LIN28B: variants seen among roughly 807,000 people sequenced by gnomAD.
LIN28B encodes the protein lin-28 RNA binding posttranscriptional regulator B, also known as protein lin-28 homolog B.
A neutral mutation model predicts 21.9 loss-of-function variants in LIN28B; 5 were observed. That is an observed-to-expected ratio of 0.23 (90% CI 0.12 to 0.48). The LOEUF (loss-of-function observed/expected upper bound fraction) is 0.48. LIN28B is among the 20% of genes least tolerant of loss of function. The pLI, the probability that LIN28B is intolerant of heterozygous loss-of-function variation, is 0.98. For missense variants in LIN28B, 245 were observed against 310.5 expected, an observed-to-expected ratio of 0.79 and a Z score of 1.58; for synonymous variants, 109 against 111.3, an observed-to-expected ratio of 0.98 and a Z score of 0.13.
At chr6:104,950,609 C>T in intron 3 of LIN28B, 1 of 630,686 alleles carries the variant, frequency 1.6e-6, no homozygotes. Flanking sequence ...CTCAGGAATT[C>T]TCCATCCTTT....
chr6:105,024,607 CAG>C (rs1472892719), intron 2 of LIN28B, among the ~76,000 whole-genome samples: 1 of 152,128 alleles, frequency 6.6e-6, no homozygotes, highest in African/African-American at 2.4e-5. Context: ...AACATTTCAT[CAG>C]AGAGCAGAAA....
rs545529603 is a variant in LIN28B at position 104,999,634 on chromosome 6, A to G, written c.199-26664A>G. Among the ~76,000 whole-genome samples, 92 of 152,280 alleles carry G rather than the reference A, an allele frequency of 6.0e-4. No individual in the cohort carries two copies. In the South Asian group the frequency reaches 0.018, roughly 30 times the overall value. ...TAATGGCATGTATATTGTGTAGCCAATTTAAGTTATTTGTTTGTTTTACCC... is the reference window on the plus strand; with the variant it reads ...TAATGGCATGTATATTGTGTAGCCAGTTTAAGTTATTTGTTTGTTTTACCC... On this transcript the variant is annotated intron_variant, in intron 2 of 3. Transcript: ENST00000345080.
At chr6:105,060,297 C>T (rs1466476049) in intron 3 of LIN28B, among the ~76,000 whole-genome samples, 1 of 151,830 alleles carries the variant, frequency 6.6e-6, no homozygotes, top group Non-Finnish European at 1.5e-5. Context: ...AGGGTCTCGC[C>T]TTTTTGCCCA....
intron 3 of LIN28B, among the ~76,000 whole-genome samples, chr6:105,050,471 G>A (rs970936196): frequency 7.3e-5 from 11 of 151,372 alleles, no homozygotes; most frequent in African/African-American, 1.2e-4. Context: ...GCGCGGTGGC[G>A]GGTGCCTGTA....
chr6:105,063,380 A>C (rs868867459), intron 3 of LIN28B, among the ~76,000 whole-genome samples: 1 of 152,210 alleles, frequency 6.6e-6, no homozygotes, highest in Non-Finnish European at 1.5e-5. Context: ...TTGGAAGATC[A>C]GGCAATACTT....
At position 104,996,465 on chromosome 6, in the gene LIN28B, CTG is replaced by C. The variant is rs1562086406; in HGVS notation, c.199-29830_199-29829del. Among the ~76,000 whole-genome samples, 5 of 152,272 alleles carry C rather than the reference CTG, an allele frequency of 3.3e-5. No homozygotes were observed. In the South Asian group the frequency reaches 1.0e-3, roughly 32 times the overall value. ...CAGATAGTGCCAAGACAGCTCCTGA[CTG>C]TGAAGGGCTGCTTCTGTCTTTCTCA... On this transcript the variant is annotated intron_variant, in intron 2 of 3. Transcript: ENST00000345080.
chr6:104,950,605 A>C, intron 3 of LIN28B: 1 of 645,676 alleles, frequency 1.5e-6, no homozygotes, highest in Non-Finnish European at 2.2e-6. Flanking sequence ...AGCCCTCAGG[A>C]ATTCTCCATC....
At chr6:104,941,352 G>T (rs1340442698) in intron 2 of LIN28B, 1 of 151,776 alleles carries the variant, frequency 6.6e-6, no homozygotes, top group Admixed American at 6.6e-5. Context: ...GTGCTGCTGG[G>T]TCGGCGCCCG....
intron 3 of LIN28B, among the ~76,000 whole-genome samples, chr6:105,041,734 A>T (rs978605463): frequency 6.6e-6 from 1 of 152,210 alleles, no homozygotes; most frequent in East Asian, 1.9e-4. Flanking sequence ...CAGCATCAGC[A>T]TCACATGGGA....
At chr6:105,009,276 T>C (rs1486487969) in intron 2 of LIN28B, among the ~76,000 whole-genome samples, 1 of 152,220 alleles carries the variant, frequency 6.6e-6, no homozygotes, top group African/African-American at 2.4e-5. Context: ...GTGCATGTTA[T>C]ATGTTACAGA....
chr6:104,948,674 A>G (rs1778185867), intron 2 of LIN28B, among the ~76,000 whole-genome samples: 2 of 152,194 alleles, frequency 1.3e-5, no homozygotes, highest in South Asian at 4.1e-4. Context: ...TGTTCAGTCA[A>G]TATTGGATGG....
At chr6:104,943,307 T>A (rs915599276) in intron 2 of LIN28B, among the ~76,000 whole-genome samples, 1 of 152,118 alleles carries the variant, frequency 6.6e-6, no homozygotes. Flanking sequence ...GTAACATGAT[T>A]AGGGTTTTGT....
At chr6:105,023,544 A>ATTATAT (rs1771207245) in intron 2 of LIN28B, among the ~76,000 whole-genome samples, 1 of 16 alleles carries the variant, frequency 0.062, no homozygotes, top group Non-Finnish European at 0.12. Flanking sequence ...AATATATATA[A>ATTATAT]TATATAACCT....
chr6:105,016,183 G>A (rs1031819245), intron 2 of LIN28B, among the ~76,000 whole-genome samples: 1 of 151,766 alleles, frequency 6.6e-6, no homozygotes, highest in Non-Finnish European at 1.5e-5. Context: ...CCCATTTCTT[G>A]TGATTCATTG....
intron 2 of LIN28B, among the ~76,000 whole-genome samples, chr6:104,944,029 C>T (rs1417791978): frequency 6.6e-6 from 1 of 152,128 alleles, no homozygotes; most frequent in Non-Finnish European, 1.5e-5. Flanking sequence ...CCATATTGGT[C>T]CCTGCTAAAT....
At chr6:104,974,833 T>TA (rs1420486987) in intron 2 of LIN28B, among the ~76,000 whole-genome samples, 49 of 151,722 alleles carry the variant, frequency 3.2e-4, no homozygotes, top group Admixed American at 9.2e-4. Context: ...TTATTATTAT[T>TA]TTTTGAGATG....
chr6:104,960,900 CA>C (rs1769726766), intron 2 of LIN28B, among the ~76,000 whole-genome samples: 1 of 152,052 alleles, frequency 6.6e-6, no homozygotes, highest in African/African-American at 2.4e-5. Context: ...GTAATACCAT[CA>C]AACTTTCTTG....
intron 2 of LIN28B, among the ~76,000 whole-genome samples, chr6:104,965,546 T>G (rs565618852): frequency 1.3e-5 from 2 of 152,320 alleles, no homozygotes; most frequent in African/African-American, 4.8e-5. Flanking sequence ...TTTTGAGATC[T>G]GGTCTCACTC....
chr6:104,943,655 T>A (rs925427305), intron 2 of LIN28B, among the ~76,000 whole-genome samples: 4 of 152,200 alleles, frequency 2.6e-5, no homozygotes, highest in Admixed American at 2.6e-4. Flanking sequence ...TATTTTTTAA[T>A]AGAATTTAAT....
Sources: gnomAD v4.1 joint callset for allele counts (sites outside exome capture counted in the v4.1 genomes callset) on GRCh38, gnomAD v4.1.1 for gene constraint, MANE v1.5 for transcripts, NCBI Gene and HGNC (gene_info 2026-07-23, HGNC 2026-07-21) for gene names.